Variants in FH observed in about 807,000 individuals in gnomAD.
FH encodes fumarate hydratase.
A neutral mutation model predicts 49.4 loss-of-function variants in FH; 22 were observed. That is an observed-to-expected ratio of 0.45 (90% CI 0.32 to 0.64). The LOEUF is 0.64. Ranked by LOEUF, FH falls within the 30% of genes least tolerant of loss-of-function variation. The pLI is 0.05. For synonymous variants in FH, 208 were observed against 223.0 expected, an observed-to-expected ratio of 0.93 and a Z score of 0.60; for missense variants, 526 against 641.5, an observed-to-expected ratio of 0.82 and a Z score of 1.95.
At chr1:241,517,067 C>T (rs1660237214) in intron 2 of FH, 115 bp downstream of exon 2, 1 of 1,316,154 alleles carries the variant, frequency 7.6e-7, no homozygotes, top group East Asian at 2.3e-5. Flanking sequence ...CTCACGAAGC[C>T]ATCTTTTCTA....
In FH at chr1:241,500,486, C is replaced by T. The variant is rs748363858; in HGVS notation, c.1341G>A (p.Lys447=). The change falls in exon 9 of 10, where the codon AAG becomes AAA. Residue 447 remains lysine, a synonymous_variant. Transcript: ENST00000366560. The stretch of plus-strand genomic sequence containing the variant: ...CCAACATTAGAGACTCATTCATCAG[C>T]TTGTTGATCCTTTCTGTATTGGCCT... ...GIQANTERIN[K]LMNESLMLVT... 3.7e-6 allele frequency: 6 copies of T among 1,613,876 alleles called. No homozygotes were observed. Among genetic ancestry groups the T allele is most frequent in the Admixed American group, 3.3e-5 (2 of 59,986 alleles).
chr1:241,519,442 C>A, intron 1 of FH, 149 bp downstream of exon 1: 1 of 988,758 alleles, frequency 1.0e-6, no homozygotes. Context: ...CCGGGAGGCC[C>A]GCCACGCCGG....
intron 9 of FH, among the ~76,000 whole-genome samples, chr1:241,498,637 T>G (rs1659683339): frequency 6.9e-6 from 1 of 144,638 alleles, no homozygotes; most frequent in Non-Finnish European, 1.5e-5. Flanking sequence ...ACTTCAGAGT[T>G]ATTTGCTTTT....
rs202144117 is a variant in FH at position 241,497,755 on chromosome 1, T to C, written c.*73A>G. 1 of 1,382,864 alleles carries C rather than the reference T, an allele frequency of 7.2e-7. No homozygotes were observed. The highest frequency in any genetic ancestry group is 1.0e-6 in the Non-Finnish European group (1 of 1,004,042). 85.7% of individuals were successfully genotyped at this position (1,382,864 alleles called of 1,614,324 possible). A position where few individuals can be genotyped will look rare whatever the true frequency, so the allele number is the denominator to read the frequency against. ...CAATAGCAGTTTCCTTTCAAACTTA[T>C]CCGTTTTTAAGAAATGGGAGTCTGT... On this transcript the variant is annotated 3_prime_UTR_variant, in exon 10 of 10. Coordinates refer to ENST00000366560, the MANE Select transcript of FH (RefSeq NM_000143.4).
At chr1:241,518,068 C>T (rs1385447162) in intron 1 of FH, among the ~76,000 whole-genome samples, 5 of 152,172 alleles carry the variant, frequency 3.3e-5, no homozygotes, top group South Asian at 2.1e-4. Context: ...ACTCAATAAA[C>T]AGTATCTTTC....
chr1:241,516,656 TA>T (rs916556563), intron 2 of FH, among the ~76,000 whole-genome samples: 3 of 98,920 alleles, frequency 3.0e-5, no homozygotes, highest in Admixed American at 1.4e-4. Flanking sequence ...AAAATTAAAT[TA>T]ATTTTTTTTT....
In FH at chr1:241,502,475, G is replaced by A. The variant is rs760360724; in HGVS notation, c.1204C>T (p.His402Tyr). ...VAVTVGGSNG[H>Y]FELNVFKPMM... ...GGCTTGAAAACATTCAACTCAAAATGTCCATTGCTGCCTCCGACAGTGACA... is the reference window on the plus strand; with the variant it reads ...GGCTTGAAAACATTCAACTCAAAATATCCATTGCTGCCTCCGACAGTGACA... The change falls in exon 8 of 10, where the codon CAT (histidine) becomes TAT (tyrosine). Residue 402 changes from histidine to tyrosine, a missense_variant. Coordinates refer to ENST00000366560, the MANE Select transcript of FH (RefSeq NM_000143.4). 4.3e-6 allele frequency: 7 copies of A among 1,614,078 alleles called. No homozygotes were observed. The highest frequency in any genetic ancestry group is 5.9e-6 in the Non-Finnish European group (7 of 1,179,970).
At chr1:241,513,852 T>C in intron 2 of FH, 139 bp from the exon 3 acceptor site, 1 of 673,578 alleles carries the variant, frequency 1.5e-6, no homozygotes, top group South Asian at 1.8e-5. Context: ...GTTTCGGTTA[T>C]AGAGAAAGAT....
At chr1:241,500,716 CAT>C in intron 8 of FH, 126 bp from the exon 9 acceptor site, 1 of 1,292,144 alleles carries the variant, frequency 7.7e-7, no homozygotes, top group Non-Finnish European at 1.1e-6. Context: ...ATTCAATAAA[CAT>C]ATAGATCTTC....
Position 241,519,643 on chromosome 1 carries a change from C to G in FH, c.80G>C (p.Gly27Ala), listed in dbSNP as rs1339215584. Residue 27 changes from glycine to alanine, a missense_variant, in exon 1 of 10, where the codon GGC (glycine) becomes GCC (alanine). Gly to Ala is a moderately conservative substitution (Grantham distance 60). Around this residue, in one of 2 missense-constraint regions of FH, gnomAD observed 143 missense variants for 127.5 expected, o/e 1.12. Transcript: ENST00000366560. ...APAAALASAP[G>A]LGGAAVPSFW... ...CGAGGGCACGGCCGCGCCACCCAAG[C>G]CGGGAGCCGAAGCTAAGGCTGCGGC... 2 of 1,547,834 alleles carry G rather than the reference C, an allele frequency of 1.3e-6. No homozygotes were observed. The highest frequency in any genetic ancestry group is 1.7e-6 in the Non-Finnish European group (2 of 1,146,496).
chr1:241,513,072 A>G (rs1237054000), intron 3 of FH, among the ~76,000 whole-genome samples: 1 of 152,102 alleles, frequency 6.6e-6, no homozygotes, highest in Non-Finnish European at 1.5e-5. Flanking sequence ...CAAAAAAGTA[A>G]TTTTCTATAA....
At chr1:241,511,882 A>G in intron 4 of FH, 85 bp downstream of exon 4, 2 of 1,358,664 alleles carry the variant, frequency 1.5e-6, no homozygotes, top group Non-Finnish European at 2.1e-6. Flanking sequence ...ACTTCTTGTC[A>G]AAAAGTGAAT....
rs2275162 is a variant in FH at position 241,513,735 on chromosome 1, T to A, written c.268-22A>T. The A allele has an allele frequency of 0.029, 45,478 of 1,591,670 alleles. 988 individuals carry two copies. Among genetic ancestry groups the A allele is most frequent in the Middle Eastern group, 0.1 (612 of 6,016 alleles). On this transcript the variant is annotated intron_variant, in intron 2 of 9. Transcript: ENST00000366560. ...GGGTCTAAAATTAATCAGAAAAATA[T>A]TTCAAATTTACAATTTTACTTAAGC...
At chr1:241,517,014 C>T (rs1241315181) in intron 2 of FH, among the ~76,000 whole-genome samples, 168 bp downstream of exon 2, 1 of 152,172 alleles carries the variant, frequency 6.6e-6, no homozygotes, top group Non-Finnish European at 1.5e-5. Context: ...GCTAAAACTT[C>T]AAAAAGTTCT....
At chr1:241,501,645 G>C (rs1659782750) in intron 8 of FH, among the ~76,000 whole-genome samples, 1 of 151,480 alleles carries the variant, frequency 6.6e-6, no homozygotes, top group Non-Finnish European at 1.5e-5. Context: ...CTCCATATTT[G>C]TCATTTGCAT....
Position 241,506,634 on chromosome 1 carries a change from A to G in FH, c.739-466T>C, listed in dbSNP as rs115143839. Among the ~76,000 whole-genome samples, 1,065 of 152,352 alleles carry G rather than the reference A, an allele frequency of 7.0e-3. 3 individuals carry two copies. The highest frequency in any genetic ancestry group is 0.012 in the Non-Finnish European group (786 of 68,030). On this transcript the variant is annotated intron_variant, in intron 5 of 9. Transcript: ENST00000366560. ...TATTCTCCATACAATTTCAGTGTAT[A>G]AACCTACCAGGAAATATGAAGACAT...
Position 241,517,329 on chromosome 1 carries a change from A to C in FH, c.133-13T>G, listed in dbSNP as rs749951308. The C allele has an allele frequency of 6.2e-7, 1 of 1,613,860 alleles. No individual in the cohort carries two copies. Among genetic ancestry groups the C allele is most frequent in the Non-Finnish European group, 8.5e-7 (1 of 1,179,956 alleles). ...AATTTTGGCTTGCCTAAAGACAAGA[A>C]TACAACACTATTACAAGTTGAAAAG... is the stretch of plus-strand genomic sequence containing the variant. On this transcript the variant is annotated splice_polypyrimidine_tract_variant and intron_variant, in intron 1 of 9. Transcript: ENST00000366560.
At chr1:241,503,552 G>C (rs1419093099) in intron 7 of FH, among the ~76,000 whole-genome samples, 1 of 152,188 alleles carries the variant, frequency 6.6e-6, no homozygotes, top group Non-Finnish European at 1.5e-5. Context: ...CTAGACTGAA[G>C]TCACTTCATT....
rs1388251431 is a variant in FH at position 241,504,080 on chromosome 1, A to G, written c.1070T>C (p.Ile357Thr). Residue 357 changes from isoleucine (I) to threonine (T), a missense_variant, in exon 7 of 10, where the codon ATC becomes ACC. Physicochemically the swap from Ile to Thr is moderately conservative, Grantham distance 89. Coordinates refer to ENST00000366560, the MANE Select transcript of FH (RefSeq NM_000143.4). ...SGPRSGLGEL[I>T]LPENEPGSSI... Reference sequence around the variant, plus strand: ...GCTTCCTGGTTCATTTTCAGGCAAGATCAATTCTCCCAGACCTGACCGAGG... The same window carrying G: ...GCTTCCTGGTTCATTTTCAGGCAAGGTCAATTCTCCCAGACCTGACCGAGG... 6.2e-6 allele frequency: 10 copies of G among 1,614,132 alleles called. No individual in the cohort carries two copies. In the South Asian group the frequency reaches 9.9e-5, roughly 16 times the overall value.
Sources: allele counts gnomAD v4.1 joint callset (sites outside exome capture counted in the v4.1 genomes callset), GRCh38; gene constraint gnomAD v4.1.1; regional missense constraint gnomAD v4.1.1; transcripts MANE v1.5; gene names NCBI Gene and HGNC (gene_info 2026-07-23, HGNC 2026-07-21).